The following TMEM132E variants were observed in gnomAD, a reference collection of about 807,000 sequenced individuals.
TMEM132E encodes the protein transmembrane protein 132E.
A neutral mutation model predicts 78.5 loss-of-function variants in TMEM132E; 49 were observed. The observed-to-expected ratio is 0.62, with a 90% confidence interval of 0.50 to 0.79. TMEM132E has a LOEUF of 0.79. Ranked by LOEUF, TMEM132E falls within the 30% of genes least tolerant of loss-of-function variation. The pLI, the probability that TMEM132E is intolerant of heterozygous loss-of-function variation, is 0.00. For synonymous variants in TMEM132E, 715 were observed against 670.6 expected (o/e 1.07, Z -1.02); for missense variants, 1,403 against 1,470.9 (o/e 0.95, Z 0.75).
At chr17:34,624,889 C>T (rs1231628800) in intron 1 of TMEM132E, among the ~76,000 whole-genome samples, 1 of 152,214 alleles carries the variant, frequency 6.6e-6, no homozygotes, top group Non-Finnish European at 1.5e-5. Context: ...ACACAGCCTC[C>T]TGCGAGACCA....
rs957670640 is a variant in TMEM132E, at chr17:34,625,981, G to A, written c.68-146G>A. The A allele has an allele frequency of 4.7e-5, 35 of 747,058 alleles. No individual in the cohort carries two copies. In the East Asian group the frequency reaches 6.3e-4, roughly 14 times the overall value. The allele number at this position is 747,058 out of a possible 1,614,324, so 46.3% of individuals were successfully genotyped here. On this transcript the variant is annotated intron_variant, in intron 1 of 8. Coordinates refer to ENST00000631683, the MANE Select transcript of TMEM132E (RefSeq NM_001304438.2). ...GCCTGAGCCAGGGTTGGGGCCCACC[G>A]GAGGATGGACAGCCAGGCTGAACCT...
intron 1 of TMEM132E, among the ~76,000 whole-genome samples, chr17:34,583,949 G>A (rs909478834): frequency 6.6e-6 from 1 of 152,238 alleles, no homozygotes; most frequent in Non-Finnish European, 1.5e-5. Flanking sequence ...CCCTCTTCCA[G>A]GGAACATCTG....
At chr17:34,604,518 G>T (rs1299544359) in intron 1 of TMEM132E, among the ~76,000 whole-genome samples, 1 of 152,066 alleles carries the variant, frequency 6.6e-6, no homozygotes, top group Non-Finnish European at 1.5e-5. Context: ...AACTTGCCTT[G>T]CCTGTTCTCC....
chr17:34,629,839 G>A (rs1907290955), intron 4 of TMEM132E, among the ~76,000 whole-genome samples, 169 bp from the exon 5 acceptor site: 1 of 152,112 alleles, frequency 6.6e-6, no homozygotes, highest in South Asian at 2.1e-4. Flanking sequence ...CTGTCAAGGA[G>A]TGCCAGGAGG....
intron 1 of TMEM132E, among the ~76,000 whole-genome samples, chr17:34,587,195 T>A (rs1905708663): frequency 6.6e-6 from 1 of 152,134 alleles, no homozygotes; most frequent in African/African-American, 2.4e-5. Context: ...GAACTGAACA[T>A]CAGACCCCAC....
intron 1 of TMEM132E, among the ~76,000 whole-genome samples, chr17:34,605,424 C>A (rs978261095): frequency 6.6e-6 from 1 of 152,176 alleles, no homozygotes; most frequent in Admixed American, 6.5e-5. Context: ...CCCTCACCAT[C>A]CAGAACAGGC....
intron 1 of TMEM132E, among the ~76,000 whole-genome samples, chr17:34,608,039 C>G: frequency 6.6e-6 from 1 of 152,212 alleles, no homozygotes; most frequent in Non-Finnish European, 1.5e-5. Flanking sequence ...CTTGTCCCCT[C>G]CTTGGAGGTC....
intron 1 of TMEM132E, among the ~76,000 whole-genome samples, chr17:34,602,477 G>T (rs1004362591): frequency 2.0e-5 from 3 of 152,226 alleles, no homozygotes; most frequent in Non-Finnish European, 2.9e-5. Context: ...CCTGACAGGG[G>T]CCAGGGTGGA....
chr17:34,626,983 G>GCT lies in TMEM132E; in HGVS notation c.926_927dup (p.Ile311AlafsTer25), dbSNP rs751832660. On this transcript the variant is annotated frameshift_variant, in exon 2 of 9. Coordinates refer to ENST00000631683, the MANE Select transcript of TMEM132E (RefSeq NM_001304438.2). LOFTEE classifies it high-confidence loss of function. ...ACCGGCCCCTCAAGCCCGGGGAAGTGCTCAGCATCCTCCTCTATCTGGCCC... is the reference window on the plus strand; with the variant it reads ...ACCGGCCCCTCAAGCCCGGGGAAGTGCTCTCAGCATCCTCCTCTATCTGGCCC... 6.2e-7 allele frequency: 1 copy of GCT among 1,613,936 alleles called. No individual in the cohort carries two copies. Among genetic ancestry groups the GCT allele is most frequent in the East Asian group, 2.2e-5 (1 of 44,876 alleles).
intron 5 of TMEM132E, among the ~76,000 whole-genome samples, chr17:34,630,463 A>AAT (rs1472833899): frequency 6.6e-6 from 1 of 152,142 alleles, no homozygotes; most frequent in Non-Finnish European, 1.5e-5. Context: ...TTCCTGTAGG[A>AAT]ATATGAAACA....
chr17:34,610,004 C>G (rs1024144357), intron 1 of TMEM132E, among the ~76,000 whole-genome samples: 4 of 152,260 alleles, frequency 2.6e-5, no homozygotes, highest in Middle Eastern at 6.8e-3. Flanking sequence ...ATCCCTGACC[C>G]CACCCACCCA....
At chr17:34,599,510 G>A (rs866898476) in intron 1 of TMEM132E, among the ~76,000 whole-genome samples, 1 of 152,176 alleles carries the variant, frequency 6.6e-6, no homozygotes, top group South Asian at 2.1e-4. Flanking sequence ...TGGGTGGAGG[G>A]GAGAGTAGGG....
At chr17:34,587,438 A>G (rs1026942555) in intron 1 of TMEM132E, among the ~76,000 whole-genome samples, 3 of 152,144 alleles carry the variant, frequency 2.0e-5, no homozygotes, top group Non-Finnish European at 4.4e-5. Flanking sequence ...ATCTTCAGAG[A>G]GGCCCCAATA....
chr17:34,579,891 T>C lies in TMEM132E; in HGVS notation c.-1186T>C, dbSNP rs2142043289. ...GGCGCGGCGATCCGCTCGCCCAAACTGACTCGGAGGGAGCGGGAGCCGATG... is the reference window on the plus strand; with the variant it reads ...GGCGCGGCGATCCGCTCGCCCAAACCGACTCGGAGGGAGCGGGAGCCGATG... On this transcript the variant is annotated 5_prime_UTR_variant, in exon 1 of 9. The change abolishes the stop of an existing upstream ORF in the 5' untranslated region. Transcript: ENST00000631683. 1 of 152,150 alleles carries C rather than the reference T, an allele frequency of 6.6e-6. No individual in the cohort carries two copies. Among genetic ancestry groups the C allele is most frequent in the Middle Eastern group, 3.4e-3 (1 of 290 alleles). 9.4% of individuals were successfully genotyped at this position (152,150 alleles called of 1,614,324 possible).
Position 34,627,149 on chromosome 17 carries a change from T to G in TMEM132E, c.998+92T>G. On this transcript the variant is annotated intron_variant, in intron 2 of 8. Transcript: ENST00000631683. ...GGGTGGGTTGGGGGGTGGGGGGACC[T>G]CCCAGCTGTATCCCTGTCCAGCATC... The G allele has an allele frequency of 2.3e-6, 3 of 1,330,894 alleles. No individual in the cohort carries two copies. The Admixed American group carries it at 5.4e-5, about 24-fold the overall frequency. The allele number at this position is 1,330,894 out of a possible 1,614,324, so 82.4% of individuals were successfully genotyped here.
At chr17:34,619,656 G>A (rs1914611448) in intron 1 of TMEM132E, among the ~76,000 whole-genome samples, 1 of 151,776 alleles carries the variant, frequency 6.6e-6, no homozygotes, top group African/African-American at 2.4e-5. Flanking sequence ...TTCCTACTTA[G>A]TGCTATGTTC....
intron 1 of TMEM132E, among the ~76,000 whole-genome samples, chr17:34,625,619 G>GGGGTA (rs1222547091): frequency 0.023 from 3,540 of 152,258 alleles, 144 homozygotes; most frequent in African/African-American, 0.08. Context: ...GTACCTCAGA[G>GGGGTA]CATTGATCTG....
At chr17:34,589,128 A>G (rs531903756) in intron 1 of TMEM132E, among the ~76,000 whole-genome samples, 2 of 152,358 alleles carry the variant, frequency 1.3e-5, no homozygotes, top group South Asian at 4.1e-4. Flanking sequence ...CGTAGCATTA[A>G]TACCAATGAT....
chr17:34,626,729 A>G lies in TMEM132E; in HGVS notation c.670A>G (p.Thr224Ala), dbSNP rs1044807249. 3.1e-5 allele frequency: 42 copies of G among 1,374,562 alleles called. No individual in the cohort carries two copies. The highest frequency in any genetic ancestry group is 3.7e-5 in the Non-Finnish European group (39 of 1,045,986). The allele number at this position is 1,374,562 out of a possible 1,614,324, so 85.1% of individuals were successfully genotyped here. The change falls in exon 2 of 9, where the codon ACG becomes GCG. Residue 224 changes from threonine (T) to alanine (A), a missense_variant. By Grantham distance (58) the Thr-to-Ala change is moderately conservative. Around this residue, in one of 3 missense-constraint regions of TMEM132E, gnomAD observed 511 missense variants for 499.0 expected, o/e 1.02. Transcript: ENST00000631683. ...KSPDGLEPEA[T>A]GESQQAELYY... ...CCCGGACGGGCTGGAGCCCGAGGCG[A>G]CGGGGGAGAGCCAGCAGGCCGAGCT...
Sources: gnomAD v4.1 joint callset for allele counts (sites outside exome capture counted in the v4.1 genomes callset) on GRCh38, gnomAD v4.1.1 for gene constraint, gnomAD v4.1.1 regional missense constraint, MANE v1.5 for transcripts, NCBI Gene and HGNC (gene_info 2026-07-23, HGNC 2026-07-21) for gene names.